The following PSG5 variants were observed in gnomAD, a reference collection of about 807,000 sequenced individuals.
PSG5 encodes pregnancy-specific beta-1-glycoprotein 5.
In PSG5, 53 loss-of-function variants were observed where a neutral mutation model predicts 37.7. That is an observed-to-expected ratio of 1.41 (90% CI 1.13 to 1.77). PSG5 has a LOEUF of 1.77. Among genes scored for constraint, PSG5 ranks in the 40% most tolerant of loss-of-function variants. The pLI is 0.00. For missense variants in PSG5, 547 were observed against 405.2 expected (o/e 1.35, Z -3.00); for synonymous variants, 221 against 155.4 (o/e 1.42, Z -3.14).
rs574223032 is a variant in PSG5 at position 43,180,973 on chromosome 19, G to A, written c.430+3809C>T. 7.9e-5 allele frequency among the ~76,000 whole-genome samples: 12 copies of A among 151,762 alleles called. 2 individuals carry two copies. The South Asian group carries it at 2.5e-3, about 32-fold the overall frequency. On this transcript the variant is annotated intron_variant, in intron 2 of 5. Transcript: ENST00000342951. ...GAAAAATGGGGAGGACCCCAAAACA[G>A]GTATGTGAAATGCTTTCTTCATTTT...
At chr19:43,177,589 A>G (rs1391262846) in intron 2 of PSG5, among the ~76,000 whole-genome samples, 2 of 150,564 alleles carry the variant, frequency 1.3e-5, no homozygotes, top group African/African-American at 4.9e-5. Context: ...GCACTCATAT[A>G]TTTTTGAAGG....
Position 43,178,368 on chromosome 19 carries a change from G to T in PSG5, c.431-2220C>A, listed in dbSNP as rs878958346. Among the ~76,000 whole-genome samples, 14 of 151,794 alleles carry T rather than the reference G, an allele frequency of 9.2e-5. 2 individuals are homozygous for T. The South Asian group carries it at 2.9e-3, about 31-fold the overall frequency. ...GATTGCTGGAACTTCCCATCAATCAGCCAAGAATGCTCTGCCAGTGGGTGA... is the reference window on the plus strand; with the variant it reads ...GATTGCTGGAACTTCCCATCAATCATCCAAGAATGCTCTGCCAGTGGGTGA... On this transcript the variant is annotated intron_variant, in intron 2 of 5. Transcript: ENST00000342951.
intron 2 of PSG5, among the ~76,000 whole-genome samples, chr19:43,180,854 A>C (rs1232114397): frequency 6.6e-6 from 1 of 151,536 alleles, no homozygotes; most frequent in Non-Finnish European, 1.5e-5. Context: ...CAATTACATA[A>C]AGGGAGGAAG....
rs149362314 is a variant in PSG5, at chr19:43,185,516, G to A, written c.65-369C>T. 6.1e-3 allele frequency among the ~76,000 whole-genome samples: 914 copies of A among 150,630 alleles called. 21 individuals are homozygous for A. The highest frequency in any genetic ancestry group is 0.021 in the African/African-American group (864 of 40,750). ...CCTGACACGTCCTTCAGAGACCCTG[G>A]GTCTTCCCTTTCTGACCTTTCCCTG... On this transcript the variant is annotated intron_variant, in intron 1 of 5. Coordinates refer to ENST00000342951, the MANE Select transcript of PSG5 (RefSeq NM_002781.4).
chr19:43,171,430 A>ATC, intron 4 of PSG5: 2 of 170,272 alleles, frequency 1.2e-5, no homozygotes, highest in South Asian at 4.0e-4. Flanking sequence ...AAGAAGAAAG[A>ATC]TCTCAGGTCA....
chr19:43,171,946 T>TAG (rs1232765719), intron 4 of PSG5, among the ~76,000 whole-genome samples: 1 of 142,746 alleles, frequency 7.0e-6, no homozygotes, highest in African/African-American at 2.7e-5. Context: ...TATTCCATCC[T>TAG]GGACTGGTCT....
chr19:43,176,509 C>G (rs147508350), intron 2 of PSG5, among the ~76,000 whole-genome samples: 4,371 of 151,536 alleles, frequency 0.029, 164 homozygotes, highest in Middle Eastern at 0.058. Context: ...ACTGCTGGGC[C>G]CCTTCCAAAT....
chr19:43,183,774 A>AGAG (rs536468906), intron 2 of PSG5, among the ~76,000 whole-genome samples: 30,153 of 150,932 alleles, frequency 0.2, 3,679 homozygotes, highest in Non-Finnish European at 0.26. Flanking sequence ...CTGGTGGAGA[A>AGAG]GATGGGCCTG....
intron 2 of PSG5, among the ~76,000 whole-genome samples, chr19:43,179,622 A>T (rs1969085516): frequency 6.6e-6 from 1 of 151,662 alleles, no homozygotes; most frequent in African/African-American, 2.4e-5. Context: ...ATTGTCCTTA[A>T]ACCCTTTGGG....
At chr19:43,179,907 C>T (rs1313494387) in intron 2 of PSG5, among the ~76,000 whole-genome samples, 2 of 151,704 alleles carry the variant, frequency 1.3e-5, no homozygotes, top group Non-Finnish European at 2.9e-5. Context: ...TGCTTCCTTC[C>T]CCTTGTAGAG....
At position 43,178,945 on chromosome 19, in the gene PSG5, A is replaced by G. The variant is rs548984294; in HGVS notation, c.431-2797T>C. ...ACTGGGTTCCGTATTTCACATTCAT[A>G]GGGTCCTGCAATATACTTTGTGACA... On this transcript the variant is annotated intron_variant, in intron 2 of 5. Transcript: ENST00000342951. 4.3e-6 allele frequency: 7 copies of G among 1,612,834 alleles called. No homozygotes were observed. In the South Asian group the frequency reaches 7.7e-5, roughly 18 times the overall value.
At chr19:43,170,389 A>G (rs1419439304) in intron 4 of PSG5, 2 of 518,214 alleles carry the variant, frequency 3.9e-6, no homozygotes, top group East Asian at 1.2e-4. Flanking sequence ...AGGCTTTCAG[A>G]CATAAGAAAG....
At position 43,184,793 on chromosome 19, in the gene PSG5, A is replaced by G. The variant is rs766426269; in HGVS notation, c.419T>C (p.Phe140Ser). 4 of 1,612,172 alleles carry G rather than the reference A, an allele frequency of 2.5e-6. No homozygotes were observed. The Admixed American group carries it at 5.0e-5, about 20-fold the overall frequency. ...RTRGVTGYFT[F>S]NLYLKLPKPY... ...GTGGAATCACTCACGGTATAAGTTG[A>G]AGGTGAAATATCCAGTTACTCCTCT... The change falls in exon 2 of 6, where the codon TTC (phenylalanine) becomes TCC (serine). Residue 140 changes from phenylalanine to serine, a missense_variant. By Grantham distance (155) the Phe-to-Ser change is radical. Transcript: ENST00000342951.
intron 2 of PSG5, among the ~76,000 whole-genome samples, chr19:43,181,054 C>G (rs1397029642): frequency 6.6e-6 from 1 of 151,608 alleles, no homozygotes; most frequent in Non-Finnish European, 1.5e-5. Flanking sequence ...TAGGAAGAAT[C>G]TAAGTGAGAT....
chr19:43,173,452 T>C (rs1414994235), intron 4 of PSG5, among the ~76,000 whole-genome samples: 1 of 151,650 alleles, frequency 6.6e-6, no homozygotes. Flanking sequence ...GCAAATTATA[T>C]GTGTGATAAG....
At chr19:43,186,170 G>A (rs1301227165) in intron 1 of PSG5, among the ~76,000 whole-genome samples, 172 bp downstream of exon 1, 1 of 151,132 alleles carries the variant, frequency 6.6e-6, no homozygotes, top group Non-Finnish European at 1.5e-5. Flanking sequence ...TAGAGACAGG[G>A]CTTCACTGTG....
intron 2 of PSG5, among the ~76,000 whole-genome samples, chr19:43,182,954 G>T (rs1969161498): frequency 6.7e-6 from 1 of 150,038 alleles, no homozygotes; most frequent in African/African-American, 2.5e-5. Flanking sequence ...CTGGGAGGTG[G>T]GCCAGGCCAC....
At position 43,175,213 on chromosome 19, in the gene PSG5, A is replaced by G. The variant is rs1344223733; in HGVS notation, c.964+2T>C. On this transcript the variant is annotated splice_donor_variant, in intron 4 of 5. Transcript: ENST00000342951. LOFTEE classifies it high-confidence loss of function. ...TTGCCAAGGATGCTGGGATCCACTT[A>G]CCAGAGACTTCGACTGTCATGGATT... 6.2e-7 allele frequency: 1 copy of G among 1,612,630 alleles called. No individual in the cohort carries two copies. Among genetic ancestry groups the G allele is most frequent in the Non-Finnish European group, 8.5e-7 (1 of 1,179,140 alleles).
At chr19:43,184,699 A>C (rs533099341) in intron 2 of PSG5, 83 bp downstream of exon 2, 53 of 1,596,244 alleles carry the variant, frequency 3.3e-5, no homozygotes, top group Non-Finnish European at 3.1e-5. Flanking sequence ...ACACAGGCAC[A>C]GTGCAGGCCT....
Sources: gnomAD v4.1 joint callset for allele counts (sites outside exome capture counted in the v4.1 genomes callset) on GRCh38, gnomAD v4.1.1 for gene constraint, MANE v1.5 for transcripts, NCBI Gene and HGNC (gene_info 2026-07-23, HGNC 2026-07-21) for gene names.